Variants in TMPRSS7 observed in about 807,000 individuals in gnomAD.
TMPRSS7 encodes transmembrane protease serine 7.
In TMPRSS7, 81 loss-of-function variants were observed where a neutral mutation model predicts 95.6. That is an observed-to-expected ratio of 0.85 (90% CI 0.71 to 1.02). The LOEUF (loss-of-function observed/expected upper bound fraction) is 1.02, where lower values mean the gene tolerates loss of function less well. TMPRSS7 is among the 50% of genes least tolerant of loss of function. The probability of loss-of-function intolerance (pLI) is 0.00; values close to 1 mark genes in which losing one functional copy is unlikely to be tolerated. For synonymous variants in TMPRSS7, 364 were observed against 337.8 expected (o/e 1.08, Z -0.85); for missense variants, 945 against 955.2 (o/e 0.99, Z 0.14).
chr3:112,035,744 G>A (rs2073146348), intron 1 of TMPRSS7, among the ~76,000 whole-genome samples: 1 of 152,112 alleles, frequency 6.6e-6, no homozygotes, highest in Non-Finnish European at 1.5e-5. Context: ...CATTATTAAA[G>A]AATTCACAGC....
intron 3 of TMPRSS7, 21 bp downstream of exon 3, chr3:112,042,071 G>A (rs903494472): frequency 3.2e-6 from 5 of 1,548,102 alleles, no homozygotes; most frequent in Non-Finnish European, 4.4e-6. Flanking sequence ...GGAGGTAGAG[G>A]GTATTAGGGT....
rs575658433 is a variant in TMPRSS7 at position 112,062,887 on chromosome 3, C to A, written c.1448-638C>A. 5.9e-5 allele frequency among the ~76,000 whole-genome samples: 9 copies of A among 152,138 alleles called. No individual in the cohort carries two copies. The South Asian group carries it at 1.9e-3, about 32-fold the overall frequency. ...GAACTCAGGATGAATGATTCAAGAT[C>A]GGGAATGAATCTTGAATCAGGGAAT... is the stretch of plus-strand genomic sequence containing the variant. On this transcript the variant is annotated intron_variant, in intron 11 of 17. Transcript: ENST00000452346.
intron 1 of TMPRSS7, among the ~76,000 whole-genome samples, 199 bp from the exon 2 acceptor site, chr3:112,037,873 T>A (rs1330390293): frequency 6.6e-6 from 1 of 152,162 alleles, no homozygotes; most frequent in African/African-American, 2.4e-5. Flanking sequence ...TAATGTCTAG[T>A]TTATCTGATC....
chr3:112,077,203 G>A, intron 16 of TMPRSS7, 59 bp downstream of exon 16: 1 of 1,574,164 alleles, frequency 6.4e-7, no homozygotes, highest in Non-Finnish European at 8.6e-7. Flanking sequence ...AGGTGTTTAT[G>A]TAGTGCTTTA....
chr3:112,047,455 T>A (rs1183793002), intron 6 of TMPRSS7: 2 of 589,204 alleles, frequency 3.4e-6, no homozygotes, highest in Admixed American at 4.3e-5. Flanking sequence ...ACATGCCTAT[T>A]CTTGAAATGA....
intron 17 of TMPRSS7, among the ~76,000 whole-genome samples, chr3:112,080,542 TACTACCACC>T (rs1219295314): frequency 7.7e-6 from 1 of 129,824 alleles, no homozygotes; most frequent in Admixed American, 8.5e-5. Flanking sequence ...CTACTACTAC[TACTACCACC>T]ACTACTACTA....
intron 15 of TMPRSS7, 141 bp from the exon 16 acceptor site, chr3:112,076,735 C>T (rs2073713391): frequency 4.1e-6 from 4 of 981,360 alleles, no homozygotes; most frequent in Non-Finnish European, 6.0e-6. Context: ...TGCCATGGTC[C>T]CCGGACAAAG....
At chr3:112,065,272 C>T (rs1241550071) in intron 12 of TMPRSS7, among the ~76,000 whole-genome samples, 2 of 152,146 alleles carry the variant, frequency 1.3e-5, no homozygotes, top group African/African-American at 4.8e-5. Context: ...AAACTCCTGA[C>T]CTCAAGCCGT....
Position 112,051,668 on chromosome 3 carries a change from C to CTATCATCTATCT in TMPRSS7, c.1203+885_1203+886insTATCATCTATCT, listed in dbSNP as rs61097993. On this transcript the variant is annotated intron_variant, in intron 9 of 17. Coordinates refer to ENST00000452346, the Ensembl canonical transcript of TMPRSS7. ...TCTATCTATCTATCTATCTATCTAT[C>CTATCATCTATCT]ATCTATCTATCTATCTATCTATCTA... Among the ~76,000 whole-genome samples, 8 of 128,076 alleles carry CTATCATCTATCT rather than the reference C, an allele frequency of 6.2e-5. No homozygotes were observed. The South Asian group carries it at 1.4e-3, about 22-fold the overall frequency. The allele number at this position is 128,076 out of a possible 152,430, so 84.0% of individuals were successfully genotyped here.
At chr3:112,074,433 T>G (rs1347735229) in intron 14 of TMPRSS7, 21 bp downstream of exon 14, 1 of 1,555,106 alleles carries the variant, frequency 6.4e-7, no homozygotes, top group Non-Finnish European at 8.9e-7. Context: ...ATTCATTCCT[T>G]TGGGTTCCTG....
At chr3:112,064,203 C>A (rs1156978165) in intron 12 of TMPRSS7, among the ~76,000 whole-genome samples, 2 of 152,140 alleles carry the variant, frequency 1.3e-5, no homozygotes, top group African/African-American at 2.4e-5. Flanking sequence ...ATCTTAAACA[C>A]CGAAATCCTG....
At chr3:112,047,947 C>T in exon 7 of TMPRSS7, 3 of 1,614,026 alleles carry the variant, frequency 1.9e-6, no homozygotes, top group Non-Finnish European at 2.5e-6. Context: ...TTTTGCCCAT[C>T]CGGAGCAGCA....
chr3:112,052,586 A>C (rs1240169884), intron 9 of TMPRSS7, among the ~76,000 whole-genome samples: 1 of 152,144 alleles, frequency 6.6e-6, no homozygotes, highest in Non-Finnish European at 1.5e-5. Context: ...GCAGGGCCTC[A>C]GATAAGCAGC....
chr3:112,042,389 A>G (rs886566019), intron 3 of TMPRSS7, among the ~76,000 whole-genome samples: 2 of 152,214 alleles, frequency 1.3e-5, no homozygotes, highest in Non-Finnish European at 2.9e-5. Flanking sequence ...CCATTATTGT[A>G]CACATTTATT....
intron 7 of TMPRSS7, among the ~76,000 whole-genome samples, chr3:112,048,489 T>C (rs2073306606): frequency 1.3e-5 from 2 of 152,248 alleles, no homozygotes; most frequent in African/African-American, 4.8e-5. Flanking sequence ...TATGTGTAAT[T>C]ACACACACAT....
chr3:112,062,029 T>C, intron 11 of TMPRSS7, 106 bp downstream of exon 11: 1 of 748,666 alleles, frequency 1.3e-6, no homozygotes, highest in Non-Finnish European at 1.9e-6. Flanking sequence ...GCTTTATTTC[T>C]GCTATTTCCT....
intron 13 of TMPRSS7, among the ~76,000 whole-genome samples, chr3:112,069,998 A>T (rs1227726984): frequency 6.6e-6 from 1 of 152,158 alleles, no homozygotes; most frequent in Non-Finnish European, 1.5e-5. Flanking sequence ...CACCGCTTTA[A>T]ATGTGTCCCA....
intron 9 of TMPRSS7, among the ~76,000 whole-genome samples, chr3:112,051,551 CTATCT>C (rs2073350763): frequency 6.7e-6 from 1 of 149,686 alleles, no homozygotes; most frequent in South Asian, 2.1e-4. Context: ...ATCTATCTAT[CTATCT>C]ATCTATCTAT....
rs192389241 is a variant in TMPRSS7, at chr3:112,067,573, A to G, written c.1666+1071A>G. Among the ~76,000 whole-genome samples, 1,471 of 152,292 alleles carry G rather than the reference A, an allele frequency of 9.7e-3. 19 individuals carry two copies. The highest frequency in any genetic ancestry group is 0.019 in the Admixed American group (283 of 15,296). On this transcript the variant is annotated intron_variant, in intron 13 of 17. Coordinates refer to ENST00000452346, the Ensembl canonical transcript of TMPRSS7. ...TGTGGTTTTGATTTTCATTTCTCTG[A>G]TGACCAGTGATGATGAGCATTTTTT...
Sources: allele counts gnomAD v4.1 joint callset (sites outside exome capture counted in the v4.1 genomes callset), GRCh38; gene constraint gnomAD v4.1.1; transcripts MANE v1.5; gene names NCBI Gene and HGNC (gene_info 2026-07-23, HGNC 2026-07-21).